The following SVOPL variants were observed in gnomAD, a reference collection of about 807,000 sequenced individuals.
The protein encoded by SVOPL is SVOP like.
SVOPL carries 60 observed loss-of-function variants against 61.0 expected under a neutral mutation model. That is an observed-to-expected ratio of 0.98 (90% CI 0.80 to 1.22). The LOEUF (loss-of-function observed/expected upper bound fraction) is 1.22, where lower values mean the gene tolerates loss of function less well. SVOPL is among the 50% of genes most tolerant of loss of function. The pLI is 0.00. For missense variants in SVOPL, 662 were observed against 643.9 expected (o/e 1.03, Z -0.30); for synonymous variants, 279 against 250.0 (o/e 1.12, Z -1.09).
At chr7:138,611,835 T>C (rs1799022189) in intron 14 of SVOPL, among the ~76,000 whole-genome samples, 5 of 65,118 alleles carry the variant, frequency 7.7e-5, no homozygotes, top group African/African-American at 9.7e-5. Flanking sequence ...CCGCCTGCCT[T>C]GGCCTCCCAA....
Position 138,653,516 on chromosome 7 carries a change from T to A in SVOPL, c.534+2932A>T, listed in dbSNP as rs548528571. Among the ~76,000 whole-genome samples, 241 of 152,110 alleles carry A rather than the reference T, an allele frequency of 1.6e-3. 1 individual carries two copies. The highest frequency in any genetic ancestry group is 2.7e-3 in the Non-Finnish European group (187 of 68,020). On this transcript the variant is annotated intron_variant, in intron 7 of 15. Coordinates refer to ENST00000674285, the MANE Select transcript of SVOPL (RefSeq NM_001139456.2). ...GGGCCCTTAAGAATTATGCTAACTC[T>A]TGGGGCCGTGCACAGTGCCTCTTAC... is the stretch of plus-strand genomic sequence containing the variant.
At chr7:138,644,608 C>T (rs374248603) in intron 9 of SVOPL, 109 bp downstream of exon 9, 11 of 1,417,748 alleles carry the variant, frequency 7.8e-6, no homozygotes, top group African/African-American at 4.3e-5. Context: ...CCCTGCCTCT[C>T]AGACAGGACT....
intron 6 of SVOPL, among the ~76,000 whole-genome samples, chr7:138,658,849 T>G (rs1263043579): frequency 6.6e-6 from 1 of 152,078 alleles, no homozygotes; most frequent in Non-Finnish European, 1.5e-5. Flanking sequence ...TGCTGTAAAC[T>G]AGAAATAAAA....
chr7:138,657,134 G>GTTTGTTTGTTTATTTA (rs529987229), intron 6 of SVOPL, among the ~76,000 whole-genome samples: 7 of 147,028 alleles, frequency 4.8e-5, no homozygotes, highest in African/African-American at 1.7e-4. Context: ...TTTCTTATTT[G>GTTTGTTTGTTTATTTA]TTTATTTATT....
At chr7:138,663,225 A>C in intron 4 of SVOPL, 80 bp from the exon 5 acceptor site, 1 of 1,559,238 alleles carries the variant, frequency 6.4e-7, no homozygotes, top group Non-Finnish European at 8.7e-7. Flanking sequence ...TTTCACTAGA[A>C]GTAGGCTGGA....
chr7:138,673,602 A>G (rs542248560), intron 3 of SVOPL, among the ~76,000 whole-genome samples: 1 of 152,098 alleles, frequency 6.6e-6, no homozygotes, highest in Non-Finnish European at 1.5e-5. Flanking sequence ...CTGAGATCAC[A>G]CCACTGCACT....
At chr7:138,664,356 G>A in intron 4 of SVOPL, 2 of 534,946 alleles carry the variant, frequency 3.7e-6, no homozygotes, top group African/African-American at 2.1e-5. Flanking sequence ...TCGGGCGTGC[G>A]CCTAACCCTC....
chr7:138,668,400 G>T (rs897822), intron 4 of SVOPL, among the ~76,000 whole-genome samples: 1,756 of 152,248 alleles, frequency 0.012, 22 homozygotes, highest in South Asian at 0.057. Context: ...CTAGTCAGCG[G>T]GCAAGGTGAA....
intron 8 of SVOPL, among the ~76,000 whole-genome samples, chr7:138,648,137 G>C (rs1584830191): frequency 6.6e-6 from 1 of 152,146 alleles, no homozygotes; most frequent in Admixed American, 6.5e-5. Context: ...AGAGAAGCCT[G>C]TGGTGGCCTG....
intron 8 of SVOPL, among the ~76,000 whole-genome samples, chr7:138,647,194 T>G (rs1801160596): frequency 6.6e-6 from 1 of 151,878 alleles, no homozygotes; most frequent in Admixed American, 6.6e-5. Flanking sequence ...GCCAACATGG[T>G]GAAACCCCAT....
chr7:138,635,478 C>A (rs936662150), intron 9 of SVOPL, among the ~76,000 whole-genome samples: 12 of 151,620 alleles, frequency 7.9e-5, no homozygotes, highest in Admixed American at 2.0e-4. Context: ...TCTCAAGCAA[C>A]CCTCCTGCCC....
chr7:138,653,703 A>G (rs1223770373), intron 7 of SVOPL, among the ~76,000 whole-genome samples: 2 of 152,116 alleles, frequency 1.3e-5, no homozygotes, highest in Non-Finnish European at 2.9e-5. Context: ...TGTGAGGCTG[A>G]GGTGGGTGGA....
At chr7:138,678,310 G>T (rs60616686) in intron 3 of SVOPL, 124 bp downstream of exon 3, 61 of 981,186 alleles carry the variant, frequency 6.2e-5, no homozygotes, top group Non-Finnish European at 8.3e-5. Flanking sequence ...TTGGGCACAC[G>T]TTCTCAGGAC....
intron 5 of SVOPL, chr7:138,662,853 T>TA (rs1802059307): frequency 1.4e-6 from 2 of 1,398,598 alleles, no homozygotes; most frequent in Admixed American, 6.0e-5. Flanking sequence ...CATCTCCTTT[T>TA]ACTCCACACC....
chr7:138,656,351 AGCTG>A, intron 7 of SVOPL, 93 bp downstream of exon 7: 1 of 1,221,132 alleles, frequency 8.2e-7, no homozygotes, highest in Non-Finnish European at 1.2e-6. Context: ...AATTGCAGCG[AGCTG>A]GTACCAAACC....
At chr7:138,677,246 C>A (rs1802588991) in intron 3 of SVOPL, among the ~76,000 whole-genome samples, 1 of 152,086 alleles carries the variant, frequency 6.6e-6, no homozygotes, top group African/African-American at 2.4e-5. Flanking sequence ...GACTGGAGAG[C>A]CCAGAGCCTG....
At chr7:138,621,493 C>T (rs573076382) in intron 13 of SVOPL, among the ~76,000 whole-genome samples, 95 of 152,240 alleles carry the variant, frequency 6.2e-4, no homozygotes, top group Non-Finnish European at 1.1e-3. Context: ...GAAAATACTC[C>T]CCAGAGATCT....
intron 14 of SVOPL, among the ~76,000 whole-genome samples, chr7:138,611,382 A>C (rs1210971332): frequency 6.6e-6 from 1 of 151,468 alleles, no homozygotes; most frequent in Non-Finnish European, 1.5e-5. Context: ...TGTCTCAAAA[A>C]CCCCCAACCC....
intron 3 of SVOPL, 109 bp from the exon 4 acceptor site, chr7:138,672,226 C>T (rs1802440220): frequency 2.0e-6 from 2 of 983,016 alleles, no homozygotes; most frequent in African/African-American, 1.6e-5. Context: ...TGTCCTTCCC[C>T]ATTCAGGGAG....
Sources: allele counts gnomAD v4.1 joint callset (sites outside exome capture counted in the v4.1 genomes callset), GRCh38; gene constraint gnomAD v4.1.1; transcripts MANE v1.5; gene names NCBI Gene and HGNC (gene_info 2026-07-23, HGNC 2026-07-21).